The following PDE4DIP variants were observed in gnomAD, a reference collection of about 807,000 sequenced individuals.
PDE4DIP encodes myomegalin.
In PDE4DIP, 59 loss-of-function variants were observed where a neutral mutation model predicts 221.4. The observed-to-expected ratio is 0.27, with a 90% CI of 0.22 to 0.33. PDE4DIP has a LOEUF of 0.33. PDE4DIP is among the 10% of genes least tolerant of loss of function. PDE4DIP has a pLI of 1.00. For missense variants in PDE4DIP, 1,036 were observed against 2,154.2 expected (o/e 0.48, Z 10.28); for synonymous variants, 404 against 815.9 (o/e 0.50, Z 8.60).
chr1:148,947,087 T>C (rs587644161), intron 5 of PDE4DIP, among the ~76,000 whole-genome samples: 32 of 152,366 alleles, frequency 2.1e-4, no homozygotes, highest in South Asian at 8.3e-4. Context: ...TGAAAGCTCA[T>C]TGAAGAGAGA....
chr1:148,978,079 C>T (rs2152134202), intron 18 of PDE4DIP, 26 bp downstream of exon 21: 1 of 1,595,450 alleles, frequency 6.3e-7, no homozygotes, highest in Non-Finnish European at 8.6e-7. Context: ...TTAAAGACCA[C>T]TGGAAATGTT....
chr1:148,940,551 T>C (rs1478101178), intron 5 of PDE4DIP, among the ~76,000 whole-genome samples: 2 of 151,396 alleles, frequency 1.3e-5, no homozygotes, highest in African/African-American at 2.4e-5. Flanking sequence ...TGGCTGCTCA[T>C]GGTTTGAGGC....
At chr1:148,814,025 T>C (rs1275313519) in intron 1 of PDE4DIP, among the ~76,000 whole-genome samples, 1 of 21,060 alleles carries the variant, frequency 4.7e-5, no homozygotes, top group African/African-American at 2.7e-4. Flanking sequence ...CAATCTTGGC[T>C]CACGGCAACC....
chr1:148,969,707 CTTTTT>C (rs66883683), intron 14 of PDE4DIP, among the ~76,000 whole-genome samples: 6 of 135,018 alleles, frequency 4.4e-5, no homozygotes, highest in African/African-American at 1.1e-4. Flanking sequence ...GAAGTAAATT[CTTTTT>C]TTTTTTTTTT....
chr1:148,987,252 T>C (rs1553550892), intron 21 of PDE4DIP, among the ~76,000 whole-genome samples: 1 of 152,158 alleles, frequency 6.6e-6, no homozygotes, highest in African/African-American at 2.4e-5. Flanking sequence ...GATCAGAATC[T>C]GTCTAGATAG....
intron 21 of PDE4DIP, chr1:148,984,394 A>G (rs1222158895): frequency 2.0e-5 from 3 of 152,134 alleles, no homozygotes; most frequent in Non-Finnish European, 4.4e-5. Flanking sequence ...CAAGAGATCT[A>G]TTAAGGATCC....
chr1:148,951,461 T>C (rs1362672612), intron 5 of PDE4DIP, among the ~76,000 whole-genome samples: 17 of 152,112 alleles, frequency 1.1e-4, no homozygotes, highest in African/African-American at 3.9e-4. Context: ...GAGTAAGACA[T>C]GGTTTTCACC....
chr1:148,946,108 T>C (rs2051633132), intron 5 of PDE4DIP, among the ~76,000 whole-genome samples: 1 of 152,222 alleles, frequency 6.6e-6, no homozygotes, highest in South Asian at 2.1e-4. Context: ...TCTTCCCCAA[T>C]GGGACATCTG....
At chr1:148,960,167 C>T (rs370807680) in intron 5 of PDE4DIP, among the ~76,000 whole-genome samples, 1 of 152,252 alleles carries the variant, frequency 6.6e-6, no homozygotes, top group Non-Finnish European at 1.5e-5. Flanking sequence ...AATACTGTTA[C>T]CTAATATATA....
At chr1:149,004,228 T>C (rs1553588835) in intron 26 of PDE4DIP, among the ~76,000 whole-genome samples, 13 of 151,922 alleles carry the variant, frequency 8.6e-5, no homozygotes, top group Non-Finnish European at 1.5e-5. Context: ...TGTGTTAAAA[T>C]AGTAATAAAG....
chr1:149,012,081 AG>A (rs199683835), intron 31 of PDE4DIP, among the ~76,000 whole-genome samples: 7,035 of 137,006 alleles, frequency 0.051, 573 homozygotes, highest in African/African-American at 0.17. Context: ...TGTTTCCATC[AG>A]AGTCCTGAAC....
chr1:148,965,411 T>C lies in PDE4DIP; in HGVS notation c.1195-73T>C, dbSNP rs1319262641. 2.0e-5 allele frequency: 17 copies of C among 854,606 alleles called. No individual in the cohort carries two copies. The Admixed American group carries it at 2.6e-4, about 13-fold the overall frequency. The allele number at this position is 854,606 out of a possible 1,614,324, so 52.9% of individuals were successfully genotyped here. A position where few individuals can be genotyped will look rare whatever the true frequency, so the allele number is the denominator to read the frequency against. On this transcript the variant is annotated intron_variant, in intron 9 of 43. Transcript: ENST00000369354. ...TCTTTCAGTTTATATACCTTGAAAA[T>C]TTTAAGGCCTCTGTATCTAATAACC...
In PDE4DIP at chr1:148,931,919, AG is replaced by A; in HGVS notation, c.340del (p.Glu114ArgfsTer5). 1 of 1,578,002 alleles carries A rather than the reference AG, an allele frequency of 6.3e-7. No individual in the cohort carries two copies. The highest frequency in any genetic ancestry group is 1.3e-5 in the African/African-American group (1 of 74,168). ...TTGGAGAATAAGATCCAGCTTCTGC[AG>A]GAGGTGAGGAGTTCCCAAAGTCCAT... is the stretch of plus-strand genomic sequence containing the variant. On this transcript the variant is annotated frameshift_variant, in exon 3 of 44. Transcript: ENST00000369354. LOFTEE classifies it high-confidence loss of function.
rs782770850 is a variant in PDE4DIP, at chr1:148,972,508, T to A, written c.2146-3T>A. ...AAGTCCCCTGACTTTTGCAATTTTT[T>A]AGGGTTCAATGCAGATACCTTCCAG... On this transcript the variant is annotated splice_region_variant and splice_polypyrimidine_tract_variant and intron_variant, in intron 15 of 43. Coordinates refer to ENST00000369354, the Ensembl canonical transcript of PDE4DIP. 1.8e-6 allele frequency: 1 copy of A among 556,592 alleles called. No individual in the cohort carries two copies. The highest frequency in any genetic ancestry group is 2.9e-5 in the East Asian group (1 of 34,750). 34.5% of individuals were successfully genotyped at this position (556,592 alleles called of 1,614,324 possible).
intron 1 of PDE4DIP, among the ~76,000 whole-genome samples, chr1:148,924,289 G>A (rs879961429): frequency 6.6e-6 from 1 of 151,948 alleles, no homozygotes; most frequent in African/African-American, 2.4e-5. Flanking sequence ...AGAAGCATAG[G>A]GCATGTTTGG....
chr1:148,975,642 T>C (rs1360246022), intron 17 of PDE4DIP, among the ~76,000 whole-genome samples: 1 of 152,182 alleles, frequency 6.6e-6, no homozygotes, highest in East Asian at 1.9e-4. Context: ...CCTTAGAGAT[T>C]CCCTTCCCCC....
At position 149,021,032 on chromosome 1, in the gene PDE4DIP, G is replaced by C. The variant is rs141508658; in HGVS notation, c.5964G>C (p.Leu1988=). 5.1e-4 allele frequency: 544 copies of C among 1,073,588 alleles called. 2 individuals carry two copies. Among genetic ancestry groups the C allele is most frequent in the Non-Finnish European group, 6.3e-4 (461 of 737,570 alleles). 66.5% of individuals were successfully genotyped at this position (1,073,588 alleles called of 1,614,324 possible). A position where few individuals can be genotyped will look rare whatever the true frequency, so the allele number is the denominator to read the frequency against. Residue 1988 remains leucine (L), a synonymous_variant, in exon 37 of 44, where the codon CTG becomes CTC. Transcript: ENST00000369354. ...GGCCTTGCCTCTCCCTGGTCAGACT[G>C]CAGCACAAGCTGGTTCTCCTGCAGC...
intron 5 of PDE4DIP, among the ~76,000 whole-genome samples, chr1:148,944,793 C>T (rs1310377473): frequency 2.0e-5 from 3 of 152,102 alleles, no homozygotes; most frequent in Non-Finnish European, 4.4e-5. Context: ...ATTGCTTGAA[C>T]CCGGGAGGTG....
chr1:149,030,092 G>T (rs599643), intron 42 of PDE4DIP, 140 bp from the exon 46 acceptor site: 162,328 of 922,948 alleles, frequency 0.18, 12,730 homozygotes, highest in Non-Finnish European at 0.19. Context: ...GCAGAGGGAG[G>T]GGAGGACAGG....
Sources: gnomAD v4.1 joint callset for allele counts (sites outside exome capture counted in the v4.1 genomes callset) on GRCh38, gnomAD v4.1.1 for gene constraint, MANE v1.5 for transcripts, NCBI Gene and HGNC (gene_info 2026-07-23, HGNC 2026-07-21) for gene names.